TGM6: variants seen among roughly 807,000 people sequenced by gnomAD.
TGM6 encodes transglutaminase 6, also known as protein-glutamine gamma-glutamyltransferase 6.
A neutral mutation model predicts 77.5 loss-of-function variants in TGM6; 74 were observed. The observed-to-expected ratio is 0.96, with a 90% CI of 0.79 to 1.16. TGM6 has a LOEUF of 1.16. TGM6 is among the 50% of genes most tolerant of loss of function. TGM6 has a pLI of 0.00. For synonymous variants in TGM6, 383 were observed against 378.9 expected (o/e 1.01, Z -0.12); for missense variants, 968 against 940.2 (o/e 1.03, Z -0.39).
intron 2 of TGM6, among the ~76,000 whole-genome samples, 175 bp downstream of exon 2, chr20:2,394,800 G>T (rs186827883): frequency 6.6e-6 from 1 of 152,308 alleles, no homozygotes; most frequent in East Asian, 1.9e-4. Flanking sequence ...GGGGGTGGTT[G>T]GGAGGTGCTG....
intron 3 of TGM6, 111 bp from the exon 4 acceptor site, chr20:2,396,395 C>T (rs915741947): frequency 1.7e-5 from 18 of 1,067,706 alleles, no homozygotes; most frequent in African/African-American, 4.7e-5. Context: ...ACCTCTCCTG[C>T]CCCAGTCAGC....
chr20:2,394,165 C>T (rs2084645913), intron 1 of TGM6, among the ~76,000 whole-genome samples: 1 of 152,036 alleles, frequency 6.6e-6, no homozygotes, highest in African/African-American at 2.4e-5. Context: ...TGGTGATGTG[C>T]ACCTGCTAGT....
At position 2,397,931 on chromosome 20, in the gene TGM6, T is replaced by A. The variant is rs2084679893; in HGVS notation, c.557T>A (p.Ile186Asn). 1.9e-6 allele frequency: 3 copies of A among 1,614,078 alleles called. No individual in the cohort carries two copies. Among genetic ancestry groups the A allele is most frequent in the Non-Finnish European group, 1.7e-6 (2 of 1,180,004 alleles). ...TCTGGGGAGCAGTTTGAGGAGGACA[T>A]CCTGAACATCTGCCTCTCCATCCTG... ...GWNYGQFEED[I>N]LNICLSILDR... The change falls in exon 5 of 13, where the codon ATC becomes AAC. Residue 186 changes from isoleucine (I) to asparagine (N), a missense_variant. Physicochemically the swap from Ile to Asn is moderately radical, Grantham distance 149 (BLOSUM62 -3). Coordinates refer to ENST00000202625, the MANE Select transcript of TGM6 (RefSeq NM_198994.3).
chr20:2,405,319 G>T (rs571891987), intron 9 of TGM6, among the ~76,000 whole-genome samples: 1 of 152,328 alleles, frequency 6.6e-6, no homozygotes, highest in Non-Finnish European at 1.5e-5. Context: ...GATTCAAGGG[G>T]TGGGAAGTTG....
intron 1 of TGM6, among the ~76,000 whole-genome samples, chr20:2,393,009 C>T (rs1047075918): frequency 7.2e-5 from 11 of 152,330 alleles, no homozygotes; most frequent in African/African-American, 1.7e-4. Context: ...ACAGTCTCAC[C>T]GCACCATGCA....
intron 9 of TGM6, among the ~76,000 whole-genome samples, chr20:2,407,422 T>C (rs1442352472): frequency 6.6e-6 from 1 of 152,110 alleles, no homozygotes; most frequent in Non-Finnish European, 1.5e-5. Context: ...AGTTCAAGAC[T>C]AGCCTGGCCA....
chr20:2,412,404 A>G (rs960587862), intron 9 of TGM6, among the ~76,000 whole-genome samples: 1 of 152,176 alleles, frequency 6.6e-6, no homozygotes, highest in African/African-American at 2.4e-5. Flanking sequence ...CTCTGGGTAG[A>G]TGGTAGTGAT....
chr20:2,399,356 C>G (rs539409357), intron 5 of TGM6, among the ~76,000 whole-genome samples: 10 of 152,226 alleles, frequency 6.6e-5, no homozygotes, highest in South Asian at 4.1e-4. Flanking sequence ...AACACAGTAT[C>G]CAAATGGAAG....
intron 10 of TGM6, among the ~76,000 whole-genome samples, chr20:2,419,429 TC>T (rs1196946395): frequency 6.6e-6 from 1 of 152,208 alleles, no homozygotes; most frequent in Non-Finnish European, 1.5e-5. Context: ...AAAGTCTAAA[TC>T]ACAAAATAAC....
At chr20:2,387,613 C>CA (rs1281631002) in intron 1 of TGM6, among the ~76,000 whole-genome samples, 1 of 152,220 alleles carries the variant, frequency 6.6e-6, no homozygotes, top group Non-Finnish European at 1.5e-5. Flanking sequence ...GACCACAGCA[C>CA]CAGCCCAGAC....
intron 10 of TGM6, among the ~76,000 whole-genome samples, chr20:2,427,798 C>T (rs1034873075): frequency 1.3e-5 from 2 of 152,120 alleles, no homozygotes; most frequent in African/African-American, 4.8e-5. Context: ...TTCTGTCACC[C>T]AGGCTGGAGT....
intron 9 of TGM6, 34 bp from the exon 10 acceptor site, chr20:2,417,198 G>T: frequency 1.3e-6 from 2 of 1,554,422 alleles, no homozygotes; most frequent in Non-Finnish European, 1.7e-6. Flanking sequence ...GAGCAAGGGG[G>T]TGCCTGCCGC....
chr20:2,390,348 C>A (rs1262726553), intron 1 of TGM6, among the ~76,000 whole-genome samples: 1 of 152,172 alleles, frequency 6.6e-6, no homozygotes, highest in Non-Finnish European at 1.5e-5. Flanking sequence ...GAGTATGGAA[C>A]ATTTAAAACT....
chr20:2,403,346 C>T (rs2084724360), intron 7 of TGM6, 51 bp from the exon 8 acceptor site: 5 of 1,601,728 alleles, frequency 3.1e-6, no homozygotes, highest in Non-Finnish European at 4.3e-6. Flanking sequence ...AGGATCTTCC[C>T]TTCCTATGCC....
chr20:2,432,620 G>T lies in TGM6; in HGVS notation c.2098G>T (p.Val700Phe). 6.2e-7 allele frequency: 1 copy of T among 1,614,034 alleles called. No homozygotes were observed. The highest frequency in any genetic ancestry group is 8.5e-7 in the Non-Finnish European group (1 of 1,180,012). The change falls in exon 13 of 13, where the codon GTC (valine) becomes TTC (phenylalanine). Residue 700 changes from valine (V) to phenylalanine (F), a missense_variant. By Grantham distance (50) the Val-to-Phe change is conservative (BLOSUM62 -1). Coordinates refer to ENST00000202625, the MANE Select transcript of TGM6 (RefSeq NM_198994.3). ...HFPDIKGFVI[V>F]HVATAK Reference sequence around the variant, plus strand: ...CCCGGACATCAAGGGCTTTGTGATCGTCCATGTGGCCACTGCCAAGTGATG... The same window carrying T: ...CCCGGACATCAAGGGCTTTGTGATCTTCCATGTGGCCACTGCCAAGTGATG...
At chr20:2,391,494 C>T (rs1599945621) in intron 1 of TGM6, among the ~76,000 whole-genome samples, 1 of 148,192 alleles carries the variant, frequency 6.7e-6, no homozygotes, top group African/African-American at 2.5e-5. Context: ...AGTAACTGAG[C>T]TGTGAGGGGG....
At chr20:2,394,721 T>G in intron 2 of TGM6, 96 bp downstream of exon 2, 1 of 1,378,452 alleles carries the variant, frequency 7.3e-7, no homozygotes, top group Non-Finnish European at 1.0e-6. Flanking sequence ...CAGCTCAGGC[T>G]CTGGGGGAAG....
chr20:2,396,746 A>C, intron 4 of TGM6, 122 bp downstream of exon 4: 1 of 875,300 alleles, frequency 1.1e-6, no homozygotes, highest in Non-Finnish European at 1.9e-6. Flanking sequence ...TCCTAGAGAA[A>C]ACCCACTCAT....
At chr20:2,417,616 C>T in intron 10 of TGM6, 43 bp downstream of exon 10, 1 of 1,558,382 alleles carries the variant, frequency 6.4e-7, no homozygotes, top group Admixed American at 1.8e-5. Context: ...AAACCACCTC[C>T]TTTTTCAGGA....
Sources: gnomAD v4.1 joint callset for allele counts (sites outside exome capture counted in the v4.1 genomes callset) on GRCh38, gnomAD v4.1.1 for gene constraint, MANE v1.5 for transcripts, NCBI Gene and HGNC (gene_info 2026-07-23, HGNC 2026-07-21) for gene names.